Variants in MPDZ observed in about 807,000 individuals in gnomAD.
MPDZ encodes multiple PDZ domain crumbs cell polarity complex component.
MPDZ carries 234 observed loss-of-function variants against 239.1 expected under a neutral mutation model. The ratio of observed to expected loss-of-function variants is 0.98; its 90% CI spans 0.88 to 1.09. MPDZ has a LOEUF of 1.09. MPDZ is among the 50% of genes least tolerant of loss of function. The probability of loss-of-function intolerance (pLI) is 0.00; values close to 1 mark genes in which losing one functional copy is unlikely to be tolerated. For synonymous variants in MPDZ, 1,048 were observed against 881.3 expected, an observed-to-expected ratio of 1.19 and a Z score of -3.35; for missense variants, 3,175 against 2,510.0, an observed-to-expected ratio of 1.26 and a Z score of -5.66.
At chr9:13,217,679 C>T (rs1162145180) in intron 8 of MPDZ, among the ~76,000 whole-genome samples, 6 of 151,798 alleles carry the variant, frequency 4.0e-5, no homozygotes. Flanking sequence ...TTCAGATCAA[C>T]AAGTTAAATC....
In MPDZ at chr9:13,125,281, T is replaced by C; in HGVS notation, c.4742A>G (p.Lys1581Arg). 6.2e-7 allele frequency: 1 copy of C among 1,613,610 alleles called. No individual in the cohort carries two copies. ...PSAAGAASGE[K>R]KNSSQSLMVP... is the part of the protein sequence containing the mutation. ...CATCAGAGACTGGGAGCTGTTCTTT[T>C]TTTCTCCACTGGCTGCACCAGCTGC... The change falls in exon 35 of 47, where the codon AAA (lysine) becomes AGA (arginine). Residue 1581 changes from lysine to arginine, a missense_variant. Coordinates refer to ENST00000319217, the MANE Select transcript of MPDZ (RefSeq NM_001378778.1).
At position 13,109,157 on chromosome 9, in the gene MPDZ, T is replaced by C. The variant is rs374109219; in HGVS notation, c.5943-98A>G. ...TGACATCCACCTAGAGCTAGCATAA[T>C]TCTCTTTGTTACTGACAAGGAGTAT... is the stretch of plus-strand genomic sequence containing the variant. On this transcript the variant is annotated intron_variant, in intron 45 of 46. Coordinates refer to ENST00000319217, the MANE Select transcript of MPDZ (RefSeq NM_001378778.1). 533 of 999,018 alleles carry C rather than the reference T, an allele frequency of 5.3e-4. 5 individuals are homozygous for C. In the African/African-American group the frequency reaches 8.2e-3, roughly 15 times the overall value. The allele number at this position is 999,018 out of a possible 1,614,324, so 61.9% of individuals were successfully genotyped here. A position where few individuals can be genotyped will look rare whatever the true frequency, so the allele number is the denominator to read the frequency against.
chr9:13,176,502 A>G, intron 19 of MPDZ, 85 bp from the exon 20 acceptor site: 1 of 1,073,288 alleles, frequency 9.3e-7, no homozygotes, highest in South Asian at 2.7e-5. Context: ...TTAATGAACA[A>G]CTATTTAGTG....
intron 1 of MPDZ, among the ~76,000 whole-genome samples, chr9:13,254,327 C>A (rs1968875633): frequency 6.6e-6 from 1 of 152,168 alleles, no homozygotes; most frequent in Non-Finnish European, 1.5e-5. Context: ...TTAAACAAAT[C>A]ACTTTTAAAA....
In MPDZ at chr9:13,219,723, T is replaced by C. The variant is rs1389214829; in HGVS notation, c.922A>G (p.Thr308Ala). The C allele has an allele frequency of 6.2e-7, 1 of 1,612,738 alleles. No individual in the cohort carries two copies. Reference sequence around the variant, plus strand: ...TCACTGCTCATTCCTGCTAGATCTGTGTCACCAATCTTTAGAATGTGGTCT... The same window carrying C: ...TCACTGCTCATTCCTGCTAGATCTGCGTCACCAATCTTTAGAATGTGGTCT... Reference protein sequence around the residue: ...SGDHILKIGDTDLAGMSSEQV... With the variant: ...SGDHILKIGDADLAGMSSEQV... Residue 308 changes from threonine to alanine, a missense_variant, in exon 8 of 47, where the codon ACA (threonine) becomes GCA (alanine). Physicochemically the swap from Thr to Ala is moderately conservative, Grantham distance 58. Coordinates refer to ENST00000319217, the MANE Select transcript of MPDZ (RefSeq NM_001378778.1).
intron 2 of MPDZ, among the ~76,000 whole-genome samples, chr9:13,248,757 C>T (rs1967014450): frequency 6.6e-6 from 1 of 150,968 alleles, no homozygotes; most frequent in Non-Finnish European, 1.5e-5. Flanking sequence ...TACTTGAGCT[C>T]AGGAGTTTGA....
At chr9:13,187,762 G>GAAAACGTGTATTTGCCTTTTC (rs34307097) in intron 17 of MPDZ, among the ~76,000 whole-genome samples, 1 of 152,034 alleles carries the variant, frequency 6.6e-6, no homozygotes, top group African/African-American at 2.4e-5. Context: ...ATTTTCTTAA[G>GAAAACGTGTATTTGCCTTTTC]ACTTCAAACT....
chr9:13,115,296 G>T lies in MPDZ; in HGVS notation c.5418C>A (p.Ile1806=). 1.2e-6 allele frequency: 2 copies of T among 1,612,718 alleles called. No individual in the cohort carries two copies. Among genetic ancestry groups the T allele is most frequent in the Non-Finnish European group, 8.5e-7 (1 of 1,179,828 alleles). ...LGTVTLEVGR[I]KAGPFHSERR... is the part of the protein sequence containing the mutation. ...TCTCTGAATGGAATGGACCAGCTTT[G>T]ATTCTTCCAACTTCCAAGGTTACTG... The change falls in exon 40 of 47, where the codon ATC becomes ATA. Residue 1806 remains isoleucine (I), a synonymous_variant. Transcript: ENST00000319217.
intron 2 of MPDZ, among the ~76,000 whole-genome samples, chr9:13,248,125 G>C (rs1030816104): frequency 3.3e-5 from 5 of 151,808 alleles, no homozygotes; most frequent in East Asian, 1.9e-4. Flanking sequence ...CTACTCAGGA[G>C]GCTGAGGCAG....
intron 21 of MPDZ, among the ~76,000 whole-genome samples, chr9:13,173,547 C>CA (rs953225816): frequency 1.4e-4 from 21 of 151,654 alleles, no homozygotes; most frequent in African/African-American, 2.2e-4. Flanking sequence ...TACTAAAACA[C>CA]AAAAAATCAG....
chr9:13,209,959 G>A (rs555773548), intron 10 of MPDZ, among the ~76,000 whole-genome samples: 2 of 150,554 alleles, frequency 1.3e-5, no homozygotes, highest in African/African-American at 4.9e-5. Context: ...ATTATAAGGA[G>A]AAGATGATAA....
At chr9:13,181,476 C>T (rs1319745996) in intron 19 of MPDZ, among the ~76,000 whole-genome samples, 3 of 152,106 alleles carry the variant, frequency 2.0e-5, no homozygotes, top group African/African-American at 7.2e-5. Context: ...GATTTTACCA[C>T]GATGCAGGAA....
intron 1 of MPDZ, among the ~76,000 whole-genome samples, chr9:13,270,191 A>G (rs1972647164): frequency 6.6e-6 from 1 of 152,238 alleles, no homozygotes; most frequent in Non-Finnish European, 1.5e-5. Context: ...TATTAAGAGC[A>G]CAAACCAACT....
At chr9:13,242,758 G>A (rs182342323) in intron 3 of MPDZ, among the ~76,000 whole-genome samples, 1 of 152,120 alleles carries the variant, frequency 6.6e-6, no homozygotes, top group Non-Finnish European at 1.5e-5. Context: ...AGGTCTGCAT[G>A]GGGCTCCATA....
At chr9:13,158,152 A>T (rs1950049074) in intron 23 of MPDZ, 42 bp from the exon 24 acceptor site, 1 of 1,487,664 alleles carries the variant, frequency 6.7e-7, no homozygotes. Flanking sequence ...AAATCCTAGT[A>T]AAAACATGCA....
intron 17 of MPDZ, among the ~76,000 whole-genome samples, chr9:13,187,988 A>G (rs2134787076): frequency 6.6e-6 from 1 of 152,280 alleles, no homozygotes; most frequent in East Asian, 1.9e-4. Context: ...CCCATTTTGG[A>G]AAGTTTAATT....
At chr9:13,209,167 C>G (rs187728365) in intron 10 of MPDZ, among the ~76,000 whole-genome samples, 52 of 152,270 alleles carry the variant, frequency 3.4e-4, no homozygotes, top group African/African-American at 1.0e-3. Context: ...ATATGTGGAT[C>G]CTAACCAGTA....
At chr9:13,213,709 A>G (rs1426686376) in intron 10 of MPDZ, among the ~76,000 whole-genome samples, 1 of 152,062 alleles carries the variant, frequency 6.6e-6, no homozygotes, top group Non-Finnish European at 1.5e-5. Flanking sequence ...CAAGAAAACA[A>G]TTCAGAGAAA....
At chr9:13,156,931 C>T (rs1034768358) in intron 24 of MPDZ, among the ~76,000 whole-genome samples, 10 of 152,088 alleles carry the variant, frequency 6.6e-5, no homozygotes, top group African/African-American at 1.9e-4. Flanking sequence ...CTATAGAGAG[C>T]TTGGGATTTT....
Sources: allele counts gnomAD v4.1 joint callset (sites outside exome capture counted in the v4.1 genomes callset), GRCh38; gene constraint gnomAD v4.1.1; transcripts MANE v1.5; gene names NCBI Gene and HGNC (gene_info 2026-07-23, HGNC 2026-07-21).